SH3RF3: variants seen among roughly 807,000 people sequenced by gnomAD.
The protein encoded by SH3RF3 is E3 ubiquitin-protein ligase SH3RF3.
Under a neutral mutation model 66.3 loss-of-function variants are expected in SH3RF3, and 29 were observed. The ratio of observed to expected loss-of-function variants is 0.44; its 90% confidence interval spans 0.33 to 0.60. The LOEUF (loss-of-function observed/expected upper bound fraction) is 0.60, where lower values mean the gene tolerates loss of function less well. SH3RF3 is among the 20% of genes least tolerant of loss of function. SH3RF3 has a pLI of 0.04. For synonymous variants in SH3RF3, 583 were observed against 532.0 expected (o/e 1.10, Z -1.32); for missense variants, 1,194 against 1,190.9 (o/e 1.00, Z -0.04).
chr2:109,279,246 A>G (rs1321632451), intron 1 of SH3RF3, among the ~76,000 whole-genome samples: 1 of 152,136 alleles, frequency 6.6e-6, no homozygotes, highest in African/African-American at 2.4e-5. Context: ...CTGACTTCTG[A>G]ATGTGGCTTA....
At chr2:109,262,503 A>G (rs1680379735) in intron 1 of SH3RF3, among the ~76,000 whole-genome samples, 1 of 152,196 alleles carries the variant, frequency 6.6e-6, no homozygotes, top group African/African-American at 2.4e-5. Context: ...CAGCCAGGTA[A>G]ACCTACCCAG....
chr2:109,255,256 C>T (rs142525478), intron 1 of SH3RF3, among the ~76,000 whole-genome samples: 67 of 152,270 alleles, frequency 4.4e-4, no homozygotes, highest in South Asian at 8.3e-4. Context: ...GGAAGTATCT[C>T]CCAGTGAATG....
chr2:109,185,285 A>G (rs1678159725), intron 1 of SH3RF3, among the ~76,000 whole-genome samples: 1 of 152,242 alleles, frequency 6.6e-6, no homozygotes, highest in East Asian at 1.9e-4. Context: ...ATCGATGTGA[A>G]TAAAATCCCA....
At chr2:109,324,923 C>G (rs766471603) in intron 1 of SH3RF3, among the ~76,000 whole-genome samples, 1 of 152,218 alleles carries the variant, frequency 6.6e-6, no homozygotes, top group Non-Finnish European at 1.5e-5. Context: ...ACCCTCTCCT[C>G]TTGCCATTCC....
Position 109,449,183 on chromosome 2 carries a change from A to C in SH3RF3, c.1842A>C (p.Ala614=). 6.2e-7 allele frequency: 1 copy of C among 1,613,590 alleles called. No homozygotes were observed. ...CCCCGTCTCCAGCTGCCCACTCTGC[A>C]GCCCAGGCTCAGGACCGGCCAACTG... ...RSTISTAAHS[A]AQAQDRPTAT... The change falls in exon 8 of 10, where the codon GCA becomes GCC. Residue 614 remains alanine, a synonymous_variant. Transcript: ENST00000309415.
At chr2:109,133,190 A>G (rs940692258) in intron 1 of SH3RF3, among the ~76,000 whole-genome samples, 9 of 152,218 alleles carry the variant, frequency 5.9e-5, no homozygotes, top group African/African-American at 9.7e-5. Flanking sequence ...AAGGAAGGAC[A>G]TTGTCACAAA....
chr2:109,135,563 G>A (rs914146970), intron 1 of SH3RF3, among the ~76,000 whole-genome samples: 2 of 152,190 alleles, frequency 1.3e-5, no homozygotes, highest in Admixed American at 1.3e-4. Flanking sequence ...CTTATCACGC[G>A]TGAGGCACAC....
intron 6 of SH3RF3, among the ~76,000 whole-genome samples, chr2:109,435,421 C>T (rs1171685611): frequency 1.3e-5 from 2 of 152,274 alleles, no homozygotes; most frequent in Non-Finnish European, 1.5e-5. Flanking sequence ...CGAAGGCCTA[C>T]TCCTTCCTGC....
chr2:109,371,607 A>G lies in SH3RF3; in HGVS notation c.871A>G (p.Arg291Gly). 1 of 1,614,014 alleles carries G rather than the reference A, an allele frequency of 6.2e-7. No individual in the cohort carries two copies. Among genetic ancestry groups the G allele is most frequent in the Admixed American group, 1.7e-5 (1 of 60,020 alleles). ...GCAGGACGAGATTCTGACGGTGCTC[A>G]GGAGAGTGGATGAGAACTGGGCGGA... ...FTKDEILTVL[R>G]RVDENWAEGM... The change falls in exon 3 of 10, where the codon AGG becomes GGG. Residue 291 changes from arginine (R) to glycine (G), a missense_variant. Transcript: ENST00000309415.
At position 109,503,249 on chromosome 2, in the gene SH3RF3, T is replaced by C. The variant is rs1363403846; in HGVS notation, c.*1578T>C. 6.6e-6 allele frequency: 1 copy of C among 152,342 alleles called. No individual in the cohort carries two copies. The highest frequency in any genetic ancestry group is 1.5e-5 in the Non-Finnish European group (1 of 68,024). 9.4% of individuals were successfully genotyped at this position (152,342 alleles called of 1,614,324 possible). ...AATACCATTCAGACTTAAATTAAGC[T>C]GAAGAAACTAGCCTTTGGTAACATA... On this transcript the variant is annotated 3_prime_UTR_variant, in exon 10 of 10. Coordinates refer to ENST00000309415, the MANE Select transcript of SH3RF3 (RefSeq NM_001099289.3).
chr2:109,357,941 A>G (rs1682984320), intron 2 of SH3RF3, among the ~76,000 whole-genome samples: 1 of 152,152 alleles, frequency 6.6e-6, no homozygotes, highest in Admixed American at 6.5e-5. Flanking sequence ...CTCTAAGCCT[A>G]TAGTCACTCT....
intron 1 of SH3RF3, among the ~76,000 whole-genome samples, chr2:109,132,488 G>A (rs1001907956): frequency 6.6e-6 from 1 of 152,158 alleles, no homozygotes; most frequent in African/African-American, 2.4e-5. Flanking sequence ...TCTCAGCTCT[G>A]CTCTCACCTG....
At chr2:109,491,896 C>CT (rs922824342) in intron 9 of SH3RF3, among the ~76,000 whole-genome samples, 1 of 152,234 alleles carries the variant, frequency 6.6e-6, no homozygotes, top group African/African-American at 2.4e-5. Context: ...CCCTGAACAC[C>CT]TGCTGCCCTC....
At chr2:109,413,742 A>G (rs1189802448) in intron 4 of SH3RF3, among the ~76,000 whole-genome samples, 1 of 152,164 alleles carries the variant, frequency 6.6e-6, no homozygotes, top group Non-Finnish European at 1.5e-5. Flanking sequence ...GCCTTGTAGG[A>G]CCTGAGTTTG....
At chr2:109,385,580 GT>G (rs1267395501) in intron 3 of SH3RF3, among the ~76,000 whole-genome samples, 1 of 152,248 alleles carries the variant, frequency 6.6e-6, no homozygotes. Flanking sequence ...AAAGGAGCCT[GT>G]TTGAAATAAT....
chr2:109,444,947 C>T (rs1677666233), intron 7 of SH3RF3, among the ~76,000 whole-genome samples: 1 of 151,948 alleles, frequency 6.6e-6, no homozygotes, highest in Non-Finnish European at 1.5e-5. Context: ...AAAAGAAAAA[C>T]AGGAAGCTAT....
intron 1 of SH3RF3, among the ~76,000 whole-genome samples, chr2:109,242,742 G>A (rs1558977229): frequency 6.6e-6 from 1 of 152,194 alleles, no homozygotes; most frequent in Non-Finnish European, 1.5e-5. Flanking sequence ...TCCACAGCTG[G>A]GCCTTGATCT....
intron 8 of SH3RF3, among the ~76,000 whole-genome samples, chr2:109,489,864 A>C (rs1257862056): frequency 6.6e-6 from 1 of 152,082 alleles, no homozygotes; most frequent in Non-Finnish European, 1.5e-5. Flanking sequence ...CAGGCTCCTG[A>C]GTATCTGGGA....
At chr2:109,333,664 T>G (rs1333591225) in intron 1 of SH3RF3, among the ~76,000 whole-genome samples, 3 of 152,184 alleles carry the variant, frequency 2.0e-5, no homozygotes, top group Non-Finnish European at 4.4e-5. Flanking sequence ...GAGACAAAGT[T>G]TGCTGACCGC....
Sources: allele counts gnomAD v4.1 joint callset (sites outside exome capture counted in the v4.1 genomes callset), GRCh38; gene constraint gnomAD v4.1.1; transcripts MANE v1.5; gene names NCBI Gene and HGNC (gene_info 2026-07-23, HGNC 2026-07-21).